Variants in ADCY10 observed in about 807,000 individuals in gnomAD.
The protein encoded by ADCY10 is adenylate cyclase type 10.
ADCY10 carries 156 observed loss-of-function variants against 183.3 expected under a neutral mutation model. That is an observed-to-expected ratio of 0.85 (90% CI 0.75 to 0.97). The LOEUF (loss-of-function observed/expected upper bound fraction) is 0.97. Ranked by LOEUF, ADCY10 falls within the 50% of genes least tolerant of loss-of-function variation. The pLI, the probability that ADCY10 is intolerant of heterozygous loss-of-function variation, is 0.00. For missense variants in ADCY10, 1,745 were observed against 1,934.3 expected (o/e 0.90, Z 1.84); for synonymous variants, 645 against 670.0 (o/e 0.96, Z 0.58).
chr1:167,852,798 C>T (rs544417835), intron 18 of ADCY10, among the ~76,000 whole-genome samples: 2 of 151,672 alleles, frequency 1.3e-5, no homozygotes, highest in East Asian at 1.9e-4. Context: ...AAAGGTAGAG[C>T]TTTGCCCTGT....
rs1339266617 is a variant in ADCY10 at position 167,833,300 on chromosome 1, CCTGGCATAATAGAAAATGT to C, written c.3418-157_3418-139del. ...GGACCAGAAACAAAATCTTCCTGTG[CCTGGCATAATAGAAAATGT>C]CTATTGGATATATGCATGAAGGGTG... On this transcript the variant is annotated intron_variant, in intron 24 of 32. Coordinates refer to ENST00000367851, the MANE Select transcript of ADCY10 (RefSeq NM_018417.6). 3 of 804,496 alleles carry C rather than the reference CCTGGCATAATAGAAAATGT, an allele frequency of 3.7e-6. No homozygotes were observed. The East Asian group carries it at 7.3e-5, about 20-fold the overall frequency. 49.8% of individuals were successfully genotyped at this position (804,496 alleles called of 1,614,324 possible). A position where few individuals can be genotyped will look rare whatever the true frequency, so the allele number is the denominator to read the frequency against.
chr1:167,901,848 G>A (rs369631737), intron 4 of ADCY10, 43 bp from the exon 5 acceptor site: 4 of 1,614,016 alleles, frequency 2.5e-6, no homozygotes, highest in Middle Eastern at 1.6e-4. Flanking sequence ...CTGCCCTGGG[G>A]ATCAATCTAT....
In ADCY10 at chr1:167,809,770, A is replaced by G. The variant is rs1485273641; in HGVS notation, c.4741T>C (p.Trp1581Arg). 2.6e-5 allele frequency: 42 copies of G among 1,614,072 alleles called. No homozygotes were observed. The highest frequency in any genetic ancestry group is 3.6e-5 in the Non-Finnish European group (42 of 1,180,022). The change falls in exon 33 of 33, where the codon TGG becomes CGG. Residue 1581 changes from tryptophan (W) to arginine (R), a missense_variant. Trp to Arg is a moderately radical substitution (Grantham distance 101). Coordinates refer to ENST00000367851, the MANE Select transcript of ADCY10 (RefSeq NM_018417.6). ...WLQTILSLPS[W>R]EKIVAGRVNI... is the part of the protein sequence containing the mutation. ...ACCCTGCCTGCTACAATTTTTTCCC[A>G]TGATGGGAGACTCAAGATCGTCTGA...
intron 12 of ADCY10, among the ~76,000 whole-genome samples, chr1:167,878,219 C>T (rs1212061749): frequency 6.6e-6 from 1 of 152,094 alleles, no homozygotes; most frequent in East Asian, 1.9e-4. Context: ...TGAAGAATTA[C>T]CCTCATATTC....
chr1:167,834,172 CA>C (rs1664014957), intron 23 of ADCY10, 95 bp from the exon 24 acceptor site: 18 of 915,386 alleles, frequency 2.0e-5, no homozygotes, highest in Non-Finnish European at 3.0e-5. Context: ...GTAAGAGATG[CA>C]GGAGCCATTT....
At chr1:167,900,896 A>G (rs553671932) in intron 5 of ADCY10, among the ~76,000 whole-genome samples, 8 of 152,330 alleles carry the variant, frequency 5.3e-5, no homozygotes, top group African/African-American at 1.9e-4. Context: ...GAAACAGTTA[A>G]TTGTATAACT....
Position 167,883,512 on chromosome 1 carries a change from C to T in ADCY10, c.945G>A (p.Gln315=), listed in dbSNP as rs150163239. The T allele has an allele frequency of 1.1e-4, 184 of 1,614,220 alleles. No individual in the cohort carries two copies. In the African/African-American group the frequency reaches 2.3e-3, roughly 20 times the overall value. Residue 315 remains glutamine, a synonymous_variant, in exon 9 of 33, where the codon CAG becomes CAA. Transcript: ENST00000367851. ...DKAEEIGPAI[Q]DAYMHITSVL... is the part of the protein sequence containing the mutation. ...CAGAAGTGATGTGCATATAGGCATC[C>T]TGGATGGCTGGGCCTATCTCTTCTG...
chr1:167,871,998 GTACCC>G (rs999240160), intron 13 of ADCY10, among the ~76,000 whole-genome samples: 1 of 152,098 alleles, frequency 6.6e-6, no homozygotes, highest in African/African-American at 2.4e-5. Context: ...TGTGCATTGT[GTACCC>G]TAGAACTTAA....
At chr1:167,899,692 T>G (rs1050276408) in intron 5 of ADCY10, 64 bp from the exon 6 acceptor site, 1 of 1,525,076 alleles carries the variant, frequency 6.6e-7, no homozygotes. Flanking sequence ...GCAGCACAGG[T>G]TTTTGGAAAA....
intron 26 of ADCY10, among the ~76,000 whole-genome samples, chr1:167,825,838 T>A (rs1265555087): frequency 6.6e-6 from 1 of 152,208 alleles, no homozygotes; most frequent in Non-Finnish European, 1.5e-5. Flanking sequence ...AGAAACTGGT[T>A]ACTCTAAACA....
rs11397671 is a variant in ADCY10, at chr1:167,875,430, C to CT, written c.1407-245dup. Among the ~76,000 whole-genome samples, 122,596 of 152,172 alleles carry CT rather than the reference C, an allele frequency of 0.81. 50,038 individuals carry two copies. The highest frequency in any genetic ancestry group is 0.95 in the African/African-American group (39,354 of 41,540). On this transcript the variant is annotated intron_variant, in intron 12 of 32. Transcript: ENST00000367851. ...CATCTGGCACATTGTTCAATAAATG[C>CT]TGTTGAGTCTGCACTGGTAGAGAAA...
chr1:167,840,963 C>A lies in ADCY10; in HGVS notation c.3008-3645G>T, dbSNP rs1571270793. On this transcript the variant is annotated intron_variant, in intron 21 of 32. Coordinates refer to ENST00000367851, the MANE Select transcript of ADCY10 (RefSeq NM_018417.6). ...TGATTTTTTTTTTTTTTTTTTGAGACAGGGCCTTGTTCTGTCGCTCAGGCT... is the reference window on the plus strand; with the variant it reads ...TGATTTTTTTTTTTTTTTTTTGAGAAAGGGCCTTGTTCTGTCGCTCAGGCT... Among the ~76,000 whole-genome samples the A allele has an allele frequency of 2.2e-5, 3 of 137,080 alleles. No homozygotes were observed. In the South Asian group the frequency reaches 6.9e-4, roughly 31 times the overall value. 89.9% of individuals were successfully genotyped at this position (137,080 alleles called of 152,430 possible). A position where few individuals can be genotyped will look rare whatever the true frequency, so the allele number is the denominator to read the frequency against.
At chr1:167,864,895 GAA>G (rs59361245) in intron 14 of ADCY10, among the ~76,000 whole-genome samples, 15 of 129,234 alleles carry the variant, frequency 1.2e-4, no homozygotes, top group Admixed American at 2.4e-4. Context: ...TTGCTAACAG[GAA>G]AAAAAAAAAA....
intron 30 of ADCY10, chr1:167,818,553 T>C: frequency 2.1e-6 from 1 of 469,696 alleles, no homozygotes; most frequent in Non-Finnish European, 4.0e-6. Flanking sequence ...TTTTCTTTTT[T>C]TGAGACGAAG....
In ADCY10 at chr1:167,853,749, C is replaced by T. The variant is rs973555394; in HGVS notation, c.2308+604G>A. On this transcript the variant is annotated intron_variant, in intron 18 of 32. Coordinates refer to ENST00000367851, the MANE Select transcript of ADCY10 (RefSeq NM_018417.6). ...TTTACCTCTGGCAAAAAAGGAAAGG[C>T]TTTTTGAAGATAACATCAAAGCGGC... is the stretch of plus-strand genomic sequence containing the variant. 6.0e-5 allele frequency among the ~76,000 whole-genome samples: 9 copies of T among 150,022 alleles called. No homozygotes were observed. The South Asian group carries it at 1.9e-3, about 32-fold the overall frequency.
chr1:167,818,157 T>C lies in ADCY10; in HGVS notation c.4397A>G (p.Tyr1466Cys). The change falls in exon 31 of 33, where the codon TAC becomes TGC. Residue 1466 changes from tyrosine (Y) to cysteine (C), a missense_variant. Physicochemically the swap from Tyr to Cys is radical, Grantham distance 194. Transcript: ENST00000367851. Reference protein sequence around the residue: ...TLTYYDGISRYMEGQVLHLQK... With the variant: ...TLTYYDGISRCMEGQVLHLQK... Reference sequence around the variant, plus strand: ...AAGGTGAAGAACTTGCCCCTCCATGTACCTAGATATTCCGTCATAGTAAGT... The same window carrying C: ...AAGGTGAAGAACTTGCCCCTCCATGCACCTAGATATTCCGTCATAGTAAGT... 1 of 1,614,232 alleles carries C rather than the reference T, an allele frequency of 6.2e-7. No individual in the cohort carries two copies. Among genetic ancestry groups the C allele is most frequent in the Non-Finnish European group, 8.5e-7 (1 of 1,180,030 alleles).
chr1:167,834,623 T>G, intron 23 of ADCY10: 1 of 192,706 alleles, frequency 5.2e-6, no homozygotes, highest in Non-Finnish European at 1.1e-5. Flanking sequence ...TCTTAGCACG[T>G]GTGCACACCA....
intron 7 of ADCY10, among the ~76,000 whole-genome samples, chr1:167,896,352 A>G (rs896720830): frequency 6.6e-6 from 1 of 152,216 alleles, no homozygotes; most frequent in African/African-American, 2.4e-5. Flanking sequence ...CCTAGGGGAT[A>G]CTTATTAATG....
At chr1:167,817,456 C>G (rs1211128924) in intron 31 of ADCY10, among the ~76,000 whole-genome samples, 3 of 152,142 alleles carry the variant, frequency 2.0e-5, no homozygotes, top group Non-Finnish European at 2.9e-5. Flanking sequence ...TTTACAAGAA[C>G]AAGGCAAACG....
Sources: allele counts gnomAD v4.1 joint callset (sites outside exome capture counted in the v4.1 genomes callset), GRCh38; gene constraint gnomAD v4.1.1; transcripts MANE v1.5; gene names NCBI Gene and HGNC (gene_info 2026-07-23, HGNC 2026-07-21).